Variants in RFX3 observed in about 807,000 individuals in gnomAD.
The protein encoded by RFX3 is regulatory factor X3.
RFX3 carries 14 observed loss-of-function variants against 98.6 expected under a neutral mutation model. That is an observed-to-expected ratio of 0.14 (90% CI 0.09 to 0.22). RFX3 has a LOEUF of 0.22. RFX3 is among the 10% of genes least tolerant of loss of function. RFX3 has a pLI of 1.00. For missense variants in RFX3, 639 were observed against 926.9 expected (o/e 0.69, Z 4.03); for synonymous variants, 383 against 328.4 (o/e 1.17, Z -1.80).
intron 1 of RFX3, among the ~76,000 whole-genome samples, chr9:3,509,103 A>G (rs567664243): frequency 1.3e-5 from 2 of 152,032 alleles, no homozygotes; most frequent in Admixed American, 6.6e-5. Context: ...TCAGATTAAG[A>G]AAATAAAAAA....
At chr9:3,315,862 C>T (rs138994135) in intron 4 of RFX3, among the ~76,000 whole-genome samples, 1 of 152,090 alleles carries the variant, frequency 6.6e-6, no homozygotes, top group Non-Finnish European at 1.5e-5. Context: ...ATAACAGGTT[C>T]CGAAATTGAG....
intron 16 of RFX3, among the ~76,000 whole-genome samples, chr9:3,228,202 T>C (rs1586646432): frequency 1.3e-5 from 2 of 152,326 alleles, no homozygotes; most frequent in Non-Finnish European, 1.5e-5. Context: ...GTGGGTAAGA[T>C]TTGTGTGCTC....
chr9:3,311,235 T>A (rs1168783959), intron 4 of RFX3, among the ~76,000 whole-genome samples: 1 of 152,234 alleles, frequency 6.6e-6, no homozygotes, highest in Non-Finnish European at 1.5e-5. Context: ...TCTCTTCTGA[T>A]CTTCAGGACT....
intron 15 of RFX3, 149 bp from the exon 16 acceptor site, chr9:3,229,038 T>A: frequency 1.7e-6 from 1 of 582,566 alleles, no homozygotes; most frequent in East Asian, 3.1e-5. Context: ...ATCACATAAT[T>A]TTCCAATCAA....
chr9:3,399,337 T>C (rs1023101786), intron 1 of RFX3, among the ~76,000 whole-genome samples: 1 of 149,744 alleles, frequency 6.7e-6, no homozygotes, highest in Admixed American at 6.6e-5. Flanking sequence ...CCAGCTACTA[T>C]GGAGGCTGAG....
rs1363979073 is a variant in RFX3, at chr9:3,525,752, C to T, written c.-14G>A. ...AGAGACCGAAGAATATTCACCTTGG[C>T]TGTGGATTATTGTGGTGTTGTTGGT... On this transcript the variant is annotated 5_prime_UTR_variant, in exon 1 of 17. Coordinates refer to ENST00000617270, the MANE Select transcript of RFX3 (RefSeq NM_001282116.2). 9.6e-6 allele frequency: 3 copies of T among 312,824 alleles called. No homozygotes were observed. Among genetic ancestry groups the T allele is most frequent in the Non-Finnish European group, 1.4e-5 (3 of 214,994 alleles). The allele number at this position is 312,824 out of a possible 1,614,324, so 19.4% of individuals were successfully genotyped here.
chr9:3,253,315 C>T (rs1586750168), intron 14 of RFX3, among the ~76,000 whole-genome samples: 1 of 152,056 alleles, frequency 6.6e-6, no homozygotes, highest in African/African-American at 2.4e-5. Context: ...ACAGTTGATT[C>T]AAAAAAGAGT....
intron 4 of RFX3, among the ~76,000 whole-genome samples, chr9:3,315,067 A>G (rs1215261355): frequency 3.3e-5 from 5 of 151,782 alleles, no homozygotes; most frequent in Non-Finnish European, 7.4e-5. Context: ...TCAACAGAAT[A>G]TACATTCTTC....
At chr9:3,337,375 C>A (rs1833311826) in intron 3 of RFX3, among the ~76,000 whole-genome samples, 1 of 152,184 alleles carries the variant, frequency 6.6e-6, no homozygotes, top group African/African-American at 2.4e-5. Flanking sequence ...AGTTTGAGAG[C>A]ACAAGAGGTG....
At chr9:3,265,244 T>A (rs1044947183) in intron 12 of RFX3, among the ~76,000 whole-genome samples, 4 of 152,202 alleles carry the variant, frequency 2.6e-5, no homozygotes, top group African/African-American at 9.7e-5. Flanking sequence ...CTAATTTAAA[T>A]AGCCACACGT....
At position 3,332,301 on chromosome 9, in the gene RFX3, T is replaced by C. The variant is rs1240859134; in HGVS notation, c.216-1784A>G. Among the ~76,000 whole-genome samples, 3 of 152,302 alleles carry C rather than the reference T, an allele frequency of 2.0e-5. No individual in the cohort carries two copies. In the East Asian group the frequency reaches 5.8e-4, roughly 29 times the overall value. On this transcript the variant is annotated intron_variant, in intron 3 of 16. Transcript: ENST00000617270. ...TAGGACCCATATCTAAATATGAAATTCAATTATGTTTCATATACACCTTAT... is the reference window on the plus strand; with the variant it reads ...TAGGACCCATATCTAAATATGAAATCCAATTATGTTTCATATACACCTTAT...
intron 2 of RFX3, among the ~76,000 whole-genome samples, chr9:3,386,658 T>A (rs1337225394): frequency 6.6e-6 from 1 of 152,048 alleles, no homozygotes; most frequent in African/African-American, 2.4e-5. Flanking sequence ...TAATAGTCAA[T>A]AGTATCAAGT....
chr9:3,459,142 G>A (rs1847463297), intron 1 of RFX3, among the ~76,000 whole-genome samples: 1 of 152,102 alleles, frequency 6.6e-6, no homozygotes, highest in Non-Finnish European at 1.5e-5. Context: ...CTTGAGAGAT[G>A]AATCTTGCAT....
chr9:3,458,193 G>C (rs1181849590), intron 1 of RFX3, among the ~76,000 whole-genome samples: 5 of 151,858 alleles, frequency 3.3e-5, no homozygotes, highest in African/African-American at 7.3e-5. Flanking sequence ...AAAAATATGG[G>C]GTCAGTTATT....
chr9:3,453,209 T>G (rs887495292), intron 1 of RFX3, among the ~76,000 whole-genome samples: 3 of 152,074 alleles, frequency 2.0e-5, no homozygotes, highest in African/African-American at 7.2e-5. Context: ...CTCTGTCATG[T>G]CTTCTACTCA....
chr9:3,358,659 T>G (rs1392647101), intron 2 of RFX3, among the ~76,000 whole-genome samples: 6 of 152,130 alleles, frequency 3.9e-5, no homozygotes, highest in Admixed American at 2.0e-4. Context: ...TAACACCATT[T>G]TTATTATTAT....
chr9:3,253,802 A>G (rs1337451091), intron 14 of RFX3, among the ~76,000 whole-genome samples: 2 of 152,210 alleles, frequency 1.3e-5, no homozygotes, highest in Non-Finnish European at 2.9e-5. Flanking sequence ...GGCATTTACA[A>G]ATTTACAAAT....
At chr9:3,376,986 A>T (rs2131634314) in intron 2 of RFX3, among the ~76,000 whole-genome samples, 1 of 152,336 alleles carries the variant, frequency 6.6e-6, no homozygotes, top group African/African-American at 2.4e-5. Flanking sequence ...ACACTTTTAC[A>T]CTGTTGGTGG....
In RFX3 at chr9:3,220,706, A is replaced by C. The variant is rs1163692210; in HGVS notation, c.*4336T>G. On this transcript the variant is annotated 3_prime_UTR_variant, in exon 17 of 17. Transcript: ENST00000617270. ...AGTATACTTTACCGGTCTAAGTCTA[A>C]ATAAATGATCTGAAAGGCTTTTGTC... 2 of 152,118 alleles carry C rather than the reference A, an allele frequency of 1.3e-5. No individual in the cohort carries two copies. The highest frequency in any genetic ancestry group is 2.9e-5 in the Non-Finnish European group (2 of 68,014). 9.4% of individuals were successfully genotyped at this position (152,118 alleles called of 1,614,324 possible).
Sources: gnomAD v4.1 joint callset for allele counts (sites outside exome capture counted in the v4.1 genomes callset) on GRCh38, gnomAD v4.1.1 for gene constraint, MANE v1.5 for transcripts, NCBI Gene and HGNC (gene_info 2026-07-23, HGNC 2026-07-21) for gene names.